The following FHOD3 variants were observed in gnomAD, a reference collection of about 807,000 sequenced individuals.
FHOD3 encodes FH1/FH2 domain-containing protein 3.
A neutral mutation model predicts 173.0 loss-of-function variants in FHOD3; 90 were observed. The observed-to-expected ratio is 0.52, with a 90% CI of 0.44 to 0.62. The LOEUF (loss-of-function observed/expected upper bound fraction) is 0.62. Ranked by LOEUF, FHOD3 falls within the 20% of genes least tolerant of loss-of-function variation. FHOD3 has a pLI of 0.00. For synonymous variants in FHOD3, 828 were observed against 823.0 expected (o/e 1.01, Z -0.10); for missense variants, 1,945 against 2,034.7 (o/e 0.96, Z 0.85).
rs1396838613 is a variant in FHOD3, at chr18:36,779,521, G to T, written c.4860G>T (p.Leu1620Phe). The T allele has an allele frequency of 6.2e-7, 1 of 1,614,144 alleles. No individual in the cohort carries two copies. The highest frequency in any genetic ancestry group is 1.3e-5 in the African/African-American group (1 of 75,048). ...RALGLVGTSE[L>F]QL ...TGGGCTTGGTTGGCACCTCGGAGTT[G>T]CAGCTGTGACACTCATAGGTTACTC... Residue 1620 changes from leucine (L) to phenylalanine (F), a missense_variant, in exon 29 of 29, where the codon TTG (leucine) becomes TTT (phenylalanine). By Grantham distance (22) the Leu-to-Phe change is conservative. Coordinates refer to ENST00000590592, the MANE Select transcript of FHOD3 (RefSeq NM_001281740.3).
intron 3 of FHOD3, among the ~76,000 whole-genome samples, chr18:36,394,596 C>T (rs914503996): frequency 6.6e-6 from 1 of 152,092 alleles, no homozygotes; most frequent in Non-Finnish European, 1.5e-5. Context: ...TTGAGTTGTC[C>T]CATTTTTGGC....
chr18:36,611,667 C>T (rs1206646515), intron 8 of FHOD3, among the ~76,000 whole-genome samples: 1 of 152,196 alleles, frequency 6.6e-6, no homozygotes, highest in Non-Finnish European at 1.5e-5. Context: ...ACCTTTGCCA[C>T]CTAATGTAAC....
chr18:36,706,221 G>T (rs1276340759), intron 17 of FHOD3, among the ~76,000 whole-genome samples: 2 of 152,154 alleles, frequency 1.3e-5, no homozygotes, highest in Non-Finnish European at 2.9e-5. Flanking sequence ...GATTAAGACA[G>T]CTAGAGAAGG....
At chr18:36,430,328 C>T (rs1261814716) in intron 3 of FHOD3, among the ~76,000 whole-genome samples, 10 of 152,066 alleles carry the variant, frequency 6.6e-5, no homozygotes, top group Non-Finnish European at 1.3e-4. Flanking sequence ...GCGATTCTCC[C>T]GCCTCAGCCT....
chr18:36,616,504 T>A (rs116730358), intron 9 of FHOD3, among the ~76,000 whole-genome samples: 14 of 152,234 alleles, frequency 9.2e-5, no homozygotes, highest in Non-Finnish European at 1.9e-4. Context: ...TGCCAGACTT[T>A]GAAGAAATTA....
At chr18:36,715,214 A>G (rs1315009633) in intron 18 of FHOD3, among the ~76,000 whole-genome samples, 2 of 152,224 alleles carry the variant, frequency 1.3e-5, no homozygotes, top group African/African-American at 4.8e-5. Context: ...GGTGAAAATA[A>G]TTGAATCATG....
chr18:36,538,487 A>G (rs1386621911), intron 5 of FHOD3, among the ~76,000 whole-genome samples: 1 of 152,254 alleles, frequency 6.6e-6, no homozygotes, highest in Admixed American at 6.5e-5. Flanking sequence ...GATAGGGTAT[A>G]TTCCTACAGA....
chr18:36,663,454 A>G (rs536852449), intron 14 of FHOD3, among the ~76,000 whole-genome samples: 11 of 152,224 alleles, frequency 7.2e-5, no homozygotes, highest in African/African-American at 2.4e-4. Context: ...CACTTTCTTC[A>G]TGGTCACTGG....
chr18:36,400,404 C>T (rs1054136531), intron 3 of FHOD3, among the ~76,000 whole-genome samples: 7 of 152,176 alleles, frequency 4.6e-5, no homozygotes, highest in African/African-American at 7.2e-5. Flanking sequence ...TTCCTGTCTG[C>T]CCCTACCCCC....
intron 3 of FHOD3, among the ~76,000 whole-genome samples, chr18:36,435,694 A>G (rs2050776663): frequency 2.6e-5 from 4 of 152,236 alleles, no homozygotes; most frequent in Admixed American, 2.0e-4. Context: ...GGAGTCAGTA[A>G]GGAATTTTCA....
At chr18:36,755,397 CTTTTTT>C (rs200164880) in intron 25 of FHOD3, 86 bp downstream of exon 25, 2,585 of 212,186 alleles carry the variant, frequency 0.012, 50 homozygotes, top group African/African-American at 0.035. Flanking sequence ...AAAAGCTGTG[CTTTTTT>C]TTTTTTTTTT....
chr18:36,305,330 G>T (rs2092063964), intron 1 of FHOD3, among the ~76,000 whole-genome samples: 1 of 152,120 alleles, frequency 6.6e-6, no homozygotes, highest in Non-Finnish European at 1.5e-5. Flanking sequence ...TGTTAGAAAA[G>T]AAAATCTTAA....
intron 5 of FHOD3, among the ~76,000 whole-genome samples, chr18:36,557,596 T>A (rs1441550511): frequency 6.6e-6 from 1 of 152,258 alleles, no homozygotes; most frequent in Non-Finnish European, 1.5e-5. Flanking sequence ...TATGTTTTAA[T>A]TGATTTTTCT....
intron 1 of FHOD3, 34 bp downstream of exon 1, chr18:36,298,034 A>G (rs1260532225): frequency 7.6e-6 from 11 of 1,446,234 alleles, no homozygotes; most frequent in Non-Finnish European, 9.1e-6. Context: ...GGCCCCCTGG[A>G]CTCAGCCCCC....
intron 5 of FHOD3, among the ~76,000 whole-genome samples, chr18:36,546,973 T>A (rs12956952): frequency 0.39 from 59,188 of 152,084 alleles, 11,640 homozygotes; most frequent in East Asian, 0.46. Flanking sequence ...CCCATGACAT[T>A]TGGCTTCAGA....
At chr18:36,550,001 C>A (rs12971227) in intron 5 of FHOD3, among the ~76,000 whole-genome samples, 108,361 of 151,234 alleles carry the variant, frequency 0.72, 38,929 homozygotes, top group Admixed American at 0.76. Flanking sequence ...AGTTTTATGT[C>A]GTTCATTTTT....
chr18:36,600,266 C>CACACAA (rs1239235549), intron 7 of FHOD3, among the ~76,000 whole-genome samples: 1 of 151,330 alleles, frequency 6.6e-6, no homozygotes. Context: ...CACACACACA[C>CACACAA]ACACACACAC....
At chr18:36,469,716 A>G (rs772922530) in intron 3 of FHOD3, among the ~76,000 whole-genome samples, 4 of 151,694 alleles carry the variant, frequency 2.6e-5, no homozygotes, top group African/African-American at 4.8e-5. Flanking sequence ...TTGGATCTCA[A>G]TGTGAAACCA....
At chr18:36,314,069 G>A (rs933494901) in intron 1 of FHOD3, among the ~76,000 whole-genome samples, 2 of 152,076 alleles carry the variant, frequency 1.3e-5, no homozygotes, top group Admixed American at 6.5e-5. Context: ...TTTGTCATTC[G>A]AGTTTCTGAA....
Sources: gnomAD v4.1 joint callset for allele counts (sites outside exome capture counted in the v4.1 genomes callset) on GRCh38, gnomAD v4.1.1 for gene constraint, MANE v1.5 for transcripts, NCBI Gene and HGNC (gene_info 2026-07-23, HGNC 2026-07-21) for gene names.